Variants in OTOGL observed in about 807,000 individuals in gnomAD.
OTOGL encodes the protein otogelin like.
In OTOGL, 285 loss-of-function variants were observed where a neutral mutation model predicts 318.5. The observed-to-expected ratio is 0.89, with a 90% CI of 0.81 to 0.99. The LOEUF is 0.99. OTOGL is among the 50% of genes least tolerant of loss of function. The probability of loss-of-function intolerance (pLI) is 0.00; values close to 1 mark genes in which losing one functional copy is unlikely to be tolerated. For missense variants in OTOGL, 2,899 were observed against 2,845.6 expected (o/e 1.02, Z -0.43); for synonymous variants, 987 against 936.5 (o/e 1.05, Z -0.99).
intron 57 of OTOGL, among the ~76,000 whole-genome samples, chr12:80,376,429 G>A (rs1891179142): frequency 6.6e-6 from 1 of 151,964 alleles, no homozygotes; most frequent in African/African-American, 2.4e-5. Flanking sequence ...CTTGATTCAG[G>A]GATTACATCC....
At chr12:80,116,014 A>G (rs1023669545) in intron 1 of OTOGL, among the ~76,000 whole-genome samples, 18 of 151,752 alleles carry the variant, frequency 1.2e-4, no homozygotes, top group African/African-American at 4.4e-4. Flanking sequence ...TGACGAGAAG[A>G]CCACTTGGTT....
In OTOGL at chr12:80,228,452, CAAACAAACAA is replaced by C. The variant is rs1435556100; in HGVS notation, c.490-791_490-782del. ...GAGAGGCTCTATCTCAAAAAACAAA[CAAACAAACAA>C]AAACAAACAAAAAAAACCCCAAAAC... On this transcript the variant is annotated intron_variant, in intron 7 of 58. Coordinates refer to ENST00000547103, the MANE Select transcript of OTOGL (RefSeq NM_001378609.3). Among the ~76,000 whole-genome samples, 3 of 151,730 alleles carry C rather than the reference CAAACAAACAA, an allele frequency of 2.0e-5. No individual in the cohort carries two copies. The South Asian group carries it at 6.2e-4, about 32-fold the overall frequency.
chr12:80,244,677 TA>T (rs1565924382), intron 11 of OTOGL, among the ~76,000 whole-genome samples: 1 of 149,880 alleles, frequency 6.7e-6, no homozygotes, highest in Non-Finnish European at 1.5e-5. Flanking sequence ...TTTGGGTATA[TA>T]CCCAGTAATG....
Position 80,211,974 on chromosome 12 carries a change from A to G in OTOGL, c.145A>G (p.Lys49Glu). ...AAACGGGTTTAATGAAAATCGACAGAAAAGAGCTCTTTTAGCAGCACAGGT... is the reference window on the plus strand; with the variant it reads ...AAACGGGTTTAATGAAAATCGACAGGAAAGAGCTCTTTTAGCAGCACAGGT... ...SKNGFNENRQKRALLAAQFEA... is the reference protein window; with the variant it reads ...SKNGFNENRQERALLAAQFEA... Residue 49 changes from lysine (K) to glutamate (E), a missense_variant, in exon 4 of 59, where the codon AAA (lysine) becomes GAA (glutamate). Lys to Glu is a moderately conservative substitution (Grantham distance 56, BLOSUM62 1). This residue lies in a region of OTOGL where 2,607 missense variants were observed against 2,524.9 expected (regional missense o/e 1.03). Transcript: ENST00000547103. The G allele has an allele frequency of 6.3e-7, 1 of 1,577,720 alleles. No homozygotes were observed. The highest frequency in any genetic ancestry group is 1.1e-5 in the South Asian group (1 of 87,244).
At chr12:80,314,716 T>G (rs1464613566) in intron 32 of OTOGL, among the ~76,000 whole-genome samples, 3 of 152,186 alleles carry the variant, frequency 2.0e-5, no homozygotes, top group African/African-American at 7.2e-5. Flanking sequence ...AAATTTTATC[T>G]TATTTTTAAA....
chr12:80,288,096 G>T (rs559378328), intron 26 of OTOGL, among the ~76,000 whole-genome samples: 13 of 152,180 alleles, frequency 8.5e-5, no homozygotes, highest in African/African-American at 3.1e-4. Flanking sequence ...AGGCCTGGTG[G>T]TGACAAAATC....
chr12:80,302,885 A>G, intron 28 of OTOGL, 102 bp downstream of exon 28: 2 of 1,098,128 alleles, frequency 1.8e-6, no homozygotes, highest in Non-Finnish European at 1.2e-6. Flanking sequence ...TTTAAGAACT[A>G]GGTTATATTT....
At chr12:80,258,688 C>T (rs140298933) in intron 18 of OTOGL, among the ~76,000 whole-genome samples, 1 of 152,176 alleles carries the variant, frequency 6.6e-6, no homozygotes, top group African/African-American at 2.4e-5. Context: ...TTCTCATCCT[C>T]ATGGAGCTTT....
At chr12:80,294,153 A>G (rs1224243987) in intron 26 of OTOGL, among the ~76,000 whole-genome samples, 2 of 152,134 alleles carry the variant, frequency 1.3e-5, no homozygotes, top group Non-Finnish European at 2.9e-5. Context: ...ACTCTGTGGC[A>G]TTATTTTTAA....
At chr12:80,258,471 A>G (rs537125962) in intron 18 of OTOGL, among the ~76,000 whole-genome samples, 4 of 152,196 alleles carry the variant, frequency 2.6e-5, no homozygotes, top group Non-Finnish European at 5.9e-5. Flanking sequence ...AATACCTAAA[A>G]AGCAACATTT....
Position 80,276,044 on chromosome 12 carries a change from C to A in OTOGL, c.2682-2124C>A, listed in dbSNP as rs1883782253. 2.6e-5 allele frequency among the ~76,000 whole-genome samples: 4 copies of A among 151,704 alleles called. No homozygotes were observed. The South Asian group carries it at 8.3e-4, about 31-fold the overall frequency. On this transcript the variant is annotated intron_variant, in intron 24 of 58. Transcript: ENST00000547103. ...AAATTAACAATATCTCTGAAATACACCTATAATTTACAGTGATTTAAAGTT... is the reference window on the plus strand; with the variant it reads ...AAATTAACAATATCTCTGAAATACAACTATAATTTACAGTGATTTAAAGTT...
chr12:80,312,180 G>C (rs1886677601), intron 30 of OTOGL, among the ~76,000 whole-genome samples: 2 of 152,100 alleles, frequency 1.3e-5, no homozygotes, highest in Admixed American at 1.3e-4. Flanking sequence ...AGATATTAAA[G>C]TACTCCTTCC....
chr12:80,270,946 G>A (rs532748739), intron 23 of OTOGL, among the ~76,000 whole-genome samples: 2 of 152,158 alleles, frequency 1.3e-5, no homozygotes, highest in African/African-American at 2.4e-5. Context: ...GCTTTGTTAT[G>A]TATTTGAATG....
chr12:80,377,531 T>C (rs7970603), intron 58 of OTOGL, among the ~76,000 whole-genome samples: 129,414 of 152,086 alleles, frequency 0.85, 55,106 homozygotes, highest in South Asian at 0.88. Context: ...TGACCTGCAG[T>C]GTGCTTGAGC....
chr12:80,333,818 G>A (rs1888227801), intron 38 of OTOGL, among the ~76,000 whole-genome samples: 1 of 152,114 alleles, frequency 6.6e-6, no homozygotes, highest in African/African-American at 2.4e-5. Flanking sequence ...AACCAATGTA[G>A]AGGACTGGGT....
At chr12:80,367,496 C>A in intron 53 of OTOGL, 65 bp from the exon 54 acceptor site, 1 of 1,227,638 alleles carries the variant, frequency 8.1e-7, no homozygotes, top group South Asian at 1.7e-5. Context: ...AATATAAGTT[C>A]CAACGATGGA....
intron 1 of OTOGL, among the ~76,000 whole-genome samples, chr12:80,167,090 ACTG>A (rs1873876525): frequency 6.6e-6 from 1 of 151,966 alleles, no homozygotes; most frequent in Non-Finnish European, 1.5e-5. Context: ...TCCCTTGATG[ACTG>A]AGTTTTTTTG....
intron 9 of OTOGL, among the ~76,000 whole-genome samples, chr12:80,238,339 A>C (rs148926216): frequency 2.6e-5 from 4 of 152,268 alleles, no homozygotes; most frequent in African/African-American, 9.6e-5. Context: ...TTCATTGCCT[A>C]TGTGACTGTC....
rs1413033521 is a variant in OTOGL, at chr12:80,151,260, A to G, written c.-20+51655A>G. 2.0e-5 allele frequency among the ~76,000 whole-genome samples: 3 copies of G among 152,234 alleles called. No individual in the cohort carries two copies. The East Asian group carries it at 5.8e-4, about 29-fold the overall frequency. Reference sequence around the variant, plus strand: ...GATTTAGGATAGGAAGCAGAGACTAAGAGGCAAACTAAGATTTGATAGAAA... The same window carrying G: ...GATTTAGGATAGGAAGCAGAGACTAGGAGGCAAACTAAGATTTGATAGAAA... On this transcript the variant is annotated intron_variant, in intron 1 of 58. Coordinates refer to ENST00000547103, the MANE Select transcript of OTOGL (RefSeq NM_001378609.3).
Sources: allele counts gnomAD v4.1 joint callset (sites outside exome capture counted in the v4.1 genomes callset), GRCh38; gene constraint gnomAD v4.1.1; regional missense constraint gnomAD v4.1.1; transcripts MANE v1.5; gene names NCBI Gene and HGNC (gene_info 2026-07-23, HGNC 2026-07-21).